TUB: variants seen among roughly 807,000 people sequenced by gnomAD.
TUB encodes TUB bipartite transcription factor, also known as tubby protein homolog.
TUB carries 33 observed loss-of-function variants against 59.7 expected under a neutral mutation model. That is an observed-to-expected ratio of 0.55 (90% confidence interval 0.42 to 0.74). TUB has a LOEUF of 0.74. Among genes scored for constraint, TUB ranks in the 30% least tolerant of loss-of-function variants. The probability of loss-of-function intolerance (pLI) is 0.00; values close to 1 mark genes in which losing one functional copy is unlikely to be tolerated. For missense variants in TUB, 659 were observed against 672.0 expected (o/e 0.98, Z 0.21); for synonymous variants, 293 against 256.4 (o/e 1.14, Z -1.36).
At chr11:8,039,612 A>T (rs752372528) in intron 1 of TUB, 44 of 1,467,884 alleles carry the variant, frequency 3.0e-5, no homozygotes, top group Non-Finnish European at 3.6e-5. Flanking sequence ...GGCTGCAAGG[A>T]TGTGGAGAGT....
chr11:8,056,352 A>G (rs1386210840), intron 2 of TUB, among the ~76,000 whole-genome samples: 1 of 152,084 alleles, frequency 6.6e-6, no homozygotes, highest in Non-Finnish European at 1.5e-5. Context: ...TGAGGGCCAT[A>G]TGGGAATGCC....
At chr11:8,043,539 TC>T (rs1942785621) in intron 2 of TUB, among the ~76,000 whole-genome samples, 1 of 152,200 alleles carries the variant, frequency 6.6e-6, no homozygotes, top group East Asian at 1.9e-4. Context: ...TAGTATATAG[TC>T]TTTTGATCCA....
chr11:8,097,083 C>T lies in TUB; in HGVS notation c.688-145C>T. ...CAGGGCTGGGAAGATAGCTTCTGAC[C>T]CCAGGCCCAGGCTGGCCAGGCCCCA... On this transcript the variant is annotated intron_variant, in intron 6 of 11. Coordinates refer to ENST00000299506, the MANE Select transcript of TUB (RefSeq NM_177972.3). 5.5e-6 allele frequency: 5 copies of T among 916,340 alleles called. No individual in the cohort carries two copies. The South Asian group carries it at 6.6e-5, about 12-fold the overall frequency. The allele number at this position is 916,340 out of a possible 1,614,324, so 56.8% of individuals were successfully genotyped here.
At chr11:8,062,516 CGTGT>C (rs34497745) in intron 2 of TUB, among the ~76,000 whole-genome samples, 74,367 of 149,490 alleles carry the variant, frequency 0.5, 18,795 homozygotes, top group Middle Eastern at 0.61. Flanking sequence ...GGTTTGTGTG[CGTGT>C]GTGTGTGTGT....
intron 1 of TUB, among the ~76,000 whole-genome samples, chr11:8,033,608 C>G (rs1942606145): frequency 1.3e-5 from 2 of 152,224 alleles, no homozygotes; most frequent in African/African-American, 2.4e-5. Flanking sequence ...TCCTCCCCAC[C>G]AGGCACTCCT....
chr11:8,059,643 T>G (rs1943084432), intron 2 of TUB, among the ~76,000 whole-genome samples: 1 of 151,536 alleles, frequency 6.6e-6, no homozygotes, highest in Non-Finnish European at 1.5e-5. Context: ...GCCGGGAGTT[T>G]AGGAGTGGCT....
chr11:8,075,689 C>T (rs536898893), intron 2 of TUB: 1 of 149,614 alleles, frequency 6.7e-6, no homozygotes, highest in Admixed American at 6.7e-5. Flanking sequence ...GTTGTCTTGT[C>T]AGTAATTAAT....
At chr11:8,068,388 ATCCCC>A (rs1943288962) in intron 2 of TUB, 1 of 152,284 alleles carries the variant, frequency 6.6e-6, no homozygotes, top group Non-Finnish European at 1.5e-5. Context: ...GCTGCCTATG[ATCCCC>A]TCCCTTACAG....
At chr11:8,070,472 A>T (rs1218562796) in intron 2 of TUB, among the ~76,000 whole-genome samples, 1 of 152,046 alleles carries the variant, frequency 6.6e-6, no homozygotes, top group Non-Finnish European at 1.5e-5. Flanking sequence ...CCATCTTTTT[A>T]TCTGGCAACT....
At chr11:8,021,587 C>A (rs1258930066) in intron 1 of TUB, among the ~76,000 whole-genome samples, 1 of 152,004 alleles carries the variant, frequency 6.6e-6, no homozygotes, top group Admixed American at 6.6e-5. Context: ...ATATTGTAAA[C>A]GTTTCTGGAA....
chr11:8,033,294 C>G (rs572470641), intron 1 of TUB, among the ~76,000 whole-genome samples: 1 of 152,306 alleles, frequency 6.6e-6, no homozygotes, highest in South Asian at 2.1e-4. Flanking sequence ...CCGGGAGACT[C>G]CGGGAAACTC....
chr11:8,049,269 A>T (rs1190082604), intron 2 of TUB, among the ~76,000 whole-genome samples: 1 of 152,122 alleles, frequency 6.6e-6, no homozygotes, highest in Non-Finnish European at 1.5e-5. Flanking sequence ...CAGTAGGAAG[A>T]GCTGAGGCTT....
At chr11:8,098,168 T>A (rs557242204) in intron 8 of TUB, among the ~76,000 whole-genome samples, 25 of 148,390 alleles carry the variant, frequency 1.7e-4, no homozygotes, top group African/African-American at 6.0e-4. Flanking sequence ...GGGCTGAGAG[T>A]GAGCTCTTGA....
At chr11:8,039,722 C>A in intron 2 of TUB, 4 of 1,491,900 alleles carry the variant, frequency 2.7e-6, no homozygotes, top group South Asian at 1.4e-5. Context: ...GGCGTGCCGG[C>A]CCTGGGAAAG....
At chr11:8,025,672 T>C (rs1942491237) in intron 1 of TUB, among the ~76,000 whole-genome samples, 1 of 152,228 alleles carries the variant, frequency 6.6e-6, no homozygotes, top group African/African-American at 2.4e-5. Context: ...TTTCCTTTTA[T>C]TGCTGAGTAG....
At chr11:8,064,280 C>T (rs1307967723) in intron 2 of TUB, among the ~76,000 whole-genome samples, 1 of 152,242 alleles carries the variant, frequency 6.6e-6, no homozygotes, top group African/African-American at 2.4e-5. Flanking sequence ...CCTTGATGGA[C>T]TGTGCCTGAG....
At chr11:8,094,772 G>A (rs193130316) in intron 4 of TUB, among the ~76,000 whole-genome samples, 1 of 152,320 alleles carries the variant, frequency 6.6e-6, no homozygotes, top group East Asian at 1.9e-4. Context: ...TACACACCCC[G>A]TTTCCTCAAC....
At chr11:8,045,532 G>A (rs992780217) in intron 2 of TUB, among the ~76,000 whole-genome samples, 16 of 152,256 alleles carry the variant, frequency 1.1e-4, no homozygotes, top group South Asian at 4.2e-4. Context: ...TTGAGTATCC[G>A]GAATATCCGA....
intron 2 of TUB, among the ~76,000 whole-genome samples, chr11:8,042,739 T>G (rs1942773949): frequency 6.6e-6 from 1 of 152,240 alleles, no homozygotes; most frequent in African/African-American, 2.4e-5. Flanking sequence ...TTGTATATCT[T>G]CCTTGGAAAA....
Sources: allele counts gnomAD v4.1 joint callset (sites outside exome capture counted in the v4.1 genomes callset), GRCh38; gene constraint gnomAD v4.1.1; transcripts MANE v1.5; gene names NCBI Gene and HGNC (gene_info 2026-07-23, HGNC 2026-07-21).